CDC42BPA: variants seen among roughly 807,000 people sequenced by gnomAD.
CDC42BPA encodes the protein serine/threonine-protein kinase MRCK alpha.
CDC42BPA carries 80 observed loss-of-function variants against 223.5 expected under a neutral mutation model. The ratio of observed to expected loss-of-function variants is 0.36; its 90% CI spans 0.30 to 0.43. The LOEUF is 0.43. Among genes scored for constraint, CDC42BPA ranks in the 20% least tolerant of loss-of-function variants. The pLI is 1.00. For missense variants in CDC42BPA, 1,743 were observed against 2,099.9 expected, an observed-to-expected ratio of 0.83 and a Z score of 3.32; for synonymous variants, 694 against 718.6, an observed-to-expected ratio of 0.97 and a Z score of 0.55.
rs1002785869 is a variant in CDC42BPA, at chr1:227,169,028, TCTTTA to T, written c.600-8397_600-8393del. Reference sequence around the variant, plus strand: ...AACTTCTGGCTTATTTAACTTCAAGTCTTTACTTTGTCATCTCCACTAGGCTGTTA... The same window carrying T: ...AACTTCTGGCTTATTTAACTTCAAGTCTTTGTCATCTCCACTAGGCTGTTA... On this transcript the variant is annotated intron_variant, in intron 5 of 36. Coordinates refer to ENST00000366766, the MANE Select transcript of CDC42BPA (RefSeq NM_001394014.1). Among the ~76,000 whole-genome samples the T allele has an allele frequency of 3.3e-4, 50 of 152,168 alleles. 2 individuals carry two copies. Among genetic ancestry groups the T allele is most frequent in the Admixed American group, 3.3e-3 (50 of 15,280 alleles).
intron 5 of CDC42BPA, among the ~76,000 whole-genome samples, chr1:227,186,915 T>C (rs1033278456): frequency 6.6e-6 from 1 of 152,180 alleles, no homozygotes; most frequent in Non-Finnish European, 1.5e-5. Flanking sequence ...AACGAATGTA[T>C]AGCTAACCAA....
At chr1:227,166,061 A>G (rs903573581) in intron 5 of CDC42BPA, among the ~76,000 whole-genome samples, 2 of 152,250 alleles carry the variant, frequency 1.3e-5, no homozygotes, top group African/African-American at 2.4e-5. Context: ...ATGGTTATCA[A>G]TATCACAGAT....
At chr1:227,211,309 T>C (rs550407059) in intron 3 of CDC42BPA, among the ~76,000 whole-genome samples, 28 of 152,118 alleles carry the variant, frequency 1.8e-4, no homozygotes, top group Admixed American at 3.3e-4. Context: ...TTATACACTA[T>C]TAGTAGGAAT....
At chr1:227,278,044 C>T (rs1397582989) in intron 1 of CDC42BPA, among the ~76,000 whole-genome samples, 2 of 152,222 alleles carry the variant, frequency 1.3e-5, no homozygotes, top group Admixed American at 1.3e-4. Context: ...CCACCGCACC[C>T]AGCCACCCTT....
chr1:227,075,855 T>C (rs1396968104), intron 17 of CDC42BPA, among the ~76,000 whole-genome samples: 1 of 152,210 alleles, frequency 6.6e-6, no homozygotes, highest in African/African-American at 2.4e-5. Context: ...TCTTAGTTTA[T>C]GCACATTTCC....
intron 13 of CDC42BPA, 74 bp downstream of exon 13, chr1:227,112,597 A>T: frequency 8.3e-7 from 1 of 1,200,418 alleles, no homozygotes. Flanking sequence ...AAAATTATAT[A>T]TTATATTACT....
chr1:227,212,391 A>G (rs1295434021), intron 3 of CDC42BPA, among the ~76,000 whole-genome samples: 1 of 152,084 alleles, frequency 6.6e-6, no homozygotes, highest in East Asian at 1.9e-4. Flanking sequence ...CAGGGCTATT[A>G]CTCAGCCTGC....
At chr1:227,029,905 C>T (rs1003105655) in intron 29 of CDC42BPA, among the ~76,000 whole-genome samples, 3 of 151,672 alleles carry the variant, frequency 2.0e-5, no homozygotes, top group Non-Finnish European at 2.9e-5. Flanking sequence ...GAGGCCAAGG[C>T]GGGTGGATCA....
chr1:227,092,980 A>G (rs1439455387), intron 15 of CDC42BPA, among the ~76,000 whole-genome samples: 2 of 152,186 alleles, frequency 1.3e-5, no homozygotes, highest in Non-Finnish European at 2.9e-5. Flanking sequence ...AAAAAAATCA[A>G]CATTACTAGA....
intron 5 of CDC42BPA, among the ~76,000 whole-genome samples, chr1:227,172,628 G>A (rs184052098): frequency 5.7e-4 from 86 of 152,080 alleles, no homozygotes; most frequent in African/African-American, 1.9e-3. Flanking sequence ...CCACTGAGAC[G>A]GAAGGAAGAA....
At chr1:227,217,688 C>T (rs1357026473) in intron 2 of CDC42BPA, among the ~76,000 whole-genome samples, 3 of 152,096 alleles carry the variant, frequency 2.0e-5, no homozygotes, top group Non-Finnish European at 4.4e-5. Flanking sequence ...TGTTCTGGCC[C>T]TCCACCTTCC....
intron 2 of CDC42BPA, among the ~76,000 whole-genome samples, chr1:227,247,967 G>A (rs1681297736): frequency 6.6e-6 from 1 of 152,046 alleles, no homozygotes; most frequent in African/African-American, 2.4e-5. Context: ...GTTAAAGAAT[G>A]TATCAGAGTC....
intron 32 of CDC42BPA, among the ~76,000 whole-genome samples, chr1:227,021,328 G>A (rs1667339208): frequency 6.6e-6 from 1 of 152,022 alleles, no homozygotes; most frequent in Non-Finnish European, 1.5e-5. Context: ...ATAAAATGGG[G>A]GTATGCCTGT....
At chr1:227,093,605 C>T (rs937252950) in intron 15 of CDC42BPA, among the ~76,000 whole-genome samples, 6 of 152,148 alleles carry the variant, frequency 3.9e-5, no homozygotes, top group African/African-American at 1.2e-4. Context: ...TATAGTTCAA[C>T]AATGTACAGC....
chr1:227,195,171 T>C (rs891034250), intron 4 of CDC42BPA, among the ~76,000 whole-genome samples: 1 of 152,194 alleles, frequency 6.6e-6, no homozygotes, highest in Non-Finnish European at 1.5e-5. Context: ...GCCTACTTGC[T>C]GTATTTACTA....
At chr1:227,133,976 T>TAAATAAATAAAC (rs1174057955) in intron 10 of CDC42BPA, among the ~76,000 whole-genome samples, 1 of 150,598 alleles carries the variant, frequency 6.6e-6, no homozygotes, top group Non-Finnish European at 1.5e-5. Flanking sequence ...AATAAATGAA[T>TAAATAAATAAAC]AAATAAATAA....
At position 227,263,052 on chromosome 1, in the gene CDC42BPA, G is replaced by C. The variant is rs1188430873; in HGVS notation, c.179-8897C>G. Among the ~76,000 whole-genome samples the C allele has an allele frequency of 3.3e-5, 5 of 152,088 alleles. No individual in the cohort carries two copies. In the East Asian group the frequency reaches 9.6e-4, roughly 29 times the overall value. On this transcript the variant is annotated intron_variant, in intron 1 of 36. Coordinates refer to ENST00000366766, the MANE Select transcript of CDC42BPA (RefSeq NM_001394014.1). ...GTTCAAGACCAGCCTGGCTAACATG[G>C]TGAAATCTCGTCTCTACTAAAAATA...
chr1:227,220,074 C>T (rs908717380), intron 2 of CDC42BPA, among the ~76,000 whole-genome samples: 6 of 151,898 alleles, frequency 4.0e-5, no homozygotes, highest in Admixed American at 2.6e-4. Context: ...GACCTGTGAC[C>T]AGGCAGGACT....
intron 16 of CDC42BPA, 106 bp from the exon 17 acceptor site, chr1:227,081,123 C>T (rs1680537583): frequency 3.7e-6 from 4 of 1,075,808 alleles, no homozygotes; most frequent in Non-Finnish European, 4.1e-6. Flanking sequence ...CCCAAAAATG[C>T]CTGTCTTATT....
Sources: allele counts gnomAD v4.1 joint callset (sites outside exome capture counted in the v4.1 genomes callset), GRCh38; gene constraint gnomAD v4.1.1; transcripts MANE v1.5; gene names NCBI Gene and HGNC (gene_info 2026-07-23, HGNC 2026-07-21).